Variants in CSGALNACT1 observed in about 807,000 individuals in gnomAD.
CSGALNACT1 encodes beta4GalNAcT-1.
A neutral mutation model predicts 51.0 loss-of-function variants in CSGALNACT1; 52 were observed. The ratio of observed to expected loss-of-function variants is 1.02; its 90% CI spans 0.82 to 1.29. CSGALNACT1 has a LOEUF of 1.29. Among genes scored for constraint, CSGALNACT1 ranks in the 50% most tolerant of loss-of-function variants. CSGALNACT1 has a pLI of 0.00. For missense variants in CSGALNACT1, 935 were observed against 679.2 expected (o/e 1.38, Z -4.19); for synonymous variants, 341 against 254.4 (o/e 1.34, Z -3.24).
intron 4 of CSGALNACT1, among the ~76,000 whole-genome samples, chr8:19,491,843 C>G (rs1050033131): frequency 6.6e-6 from 1 of 152,198 alleles, no homozygotes; most frequent in South Asian, 2.1e-4. Flanking sequence ...TTCAAGGGTA[C>G]TAAGACATAC....
intron 3 of CSGALNACT1, chr8:19,532,066 T>C (rs1019214396): frequency 6.6e-6 from 1 of 152,094 alleles, no homozygotes; most frequent in Non-Finnish European, 1.5e-5. Context: ...ATGAATGCCA[T>C]GGTGTACTGT....
At chr8:19,517,305 T>C (rs962010172) in intron 3 of CSGALNACT1, among the ~76,000 whole-genome samples, 7 of 152,092 alleles carry the variant, frequency 4.6e-5, no homozygotes, top group Non-Finnish European at 8.8e-5. Context: ...CTGGGTGTGG[T>C]GGCACATGCC....
chr8:19,590,258 C>T (rs780583281), intron 3 of CSGALNACT1, among the ~76,000 whole-genome samples: 9 of 152,140 alleles, frequency 5.9e-5, no homozygotes, highest in East Asian at 1.9e-4. Context: ...CACTGAGGTA[C>T]GCTGAGGCAT....
intron 1 of CSGALNACT1, among the ~76,000 whole-genome samples, chr8:19,717,739 C>A (rs1378303832): frequency 6.6e-6 from 1 of 152,168 alleles, no homozygotes; most frequent in Non-Finnish European, 1.5e-5. Context: ...GAACCCATAG[C>A]TTTTTTCTGT....
At chr8:19,439,974 C>A (rs1563403582) in intron 5 of CSGALNACT1, 43 bp from the exon 5 acceptor site, 4 of 1,487,262 alleles carry the variant, frequency 2.7e-6, no homozygotes, top group Non-Finnish European at 3.8e-6. Flanking sequence ...TGTTTTCACA[C>A]TGACAGGCAC....
At chr8:19,739,298 T>A (rs1214653203) in intron 1 of CSGALNACT1, among the ~76,000 whole-genome samples, 2 of 152,028 alleles carry the variant, frequency 1.3e-5, no homozygotes, top group Non-Finnish European at 2.9e-5. Flanking sequence ...TGACATTGAC[T>A]CTAAAGAAGA....
intron 8 of CSGALNACT1, among the ~76,000 whole-genome samples, chr8:19,410,123 G>A (rs1398514952): frequency 6.6e-6 from 1 of 152,146 alleles, no homozygotes; most frequent in Non-Finnish European, 1.5e-5. Flanking sequence ...ATTCCACAGG[G>A]AATGGGGACC....
chr8:19,731,156 A>G (rs2063671104), intron 1 of CSGALNACT1, among the ~76,000 whole-genome samples: 1 of 152,192 alleles, frequency 6.6e-6, no homozygotes, highest in Admixed American at 6.5e-5. Context: ...CCACTTTTTC[A>G]TAATGCAACT....
chr8:19,632,580 G>A (rs7014536), intron 1 of CSGALNACT1, among the ~76,000 whole-genome samples: 3,477 of 152,244 alleles, frequency 0.023, 137 homozygotes, highest in African/African-American at 0.079. Context: ...TTCTTAACCC[G>A]CAGCTATCTA....
intron 3 of CSGALNACT1, among the ~76,000 whole-genome samples, chr8:19,579,887 G>T (rs552676273): frequency 6.6e-6 from 1 of 152,132 alleles, no homozygotes. Flanking sequence ...CTCCCGCTGA[G>T]AACAATTACA....
intron 1 of CSGALNACT1, among the ~76,000 whole-genome samples, chr8:19,665,358 TGGGCTTCCAAC>T (rs1303151025): frequency 6.6e-6 from 1 of 152,226 alleles, no homozygotes; most frequent in Non-Finnish European, 1.5e-5. Flanking sequence ...ACGGCTCTTT[TGGGCTTCCAAC>T]ACAGTATTTT....
chr8:19,428,283 A>G (rs951079633), intron 6 of CSGALNACT1, among the ~76,000 whole-genome samples: 4 of 151,496 alleles, frequency 2.6e-5, no homozygotes, highest in Non-Finnish European at 5.9e-5. Flanking sequence ...TTTCTAAAGG[A>G]AAGAAGTTTA....
intron 6 of CSGALNACT1, among the ~76,000 whole-genome samples, chr8:19,425,355 A>G (rs2153708606): frequency 6.6e-6 from 1 of 152,040 alleles, no homozygotes; most frequent in East Asian, 1.9e-4. Flanking sequence ...ACACAAACAA[A>G]CCAAAAAACC....
intron 4 of CSGALNACT1, among the ~76,000 whole-genome samples, chr8:19,498,211 A>C (rs1471171213): frequency 2.6e-5 from 4 of 152,158 alleles, no homozygotes; most frequent in Admixed American, 2.6e-4. Flanking sequence ...CAGGTCTTTC[A>C]AGCCTGAGAC....
chr8:19,659,425 T>C (rs574804580), intron 1 of CSGALNACT1, among the ~76,000 whole-genome samples: 8 of 152,340 alleles, frequency 5.3e-5, no homozygotes, highest in South Asian at 2.1e-4. Context: ...TGAATTCTCA[T>C]TGCCAATTCA....
chr8:19,509,783 A>C (rs1241646436), intron 3 of CSGALNACT1, among the ~76,000 whole-genome samples: 1 of 152,190 alleles, frequency 6.6e-6, no homozygotes, highest in Non-Finnish European at 1.5e-5. Context: ...AAAGAGTTAA[A>C]ATTTATATGT....
intron 4 of CSGALNACT1, chr8:19,495,164 A>G (rs1418351264): frequency 6.6e-6 from 1 of 152,096 alleles, no homozygotes; most frequent in Non-Finnish European, 1.5e-5. Flanking sequence ...AATCAAAATA[A>G]CCTCATCAGG....
chr8:19,564,804 A>AC (rs1308202297), intron 3 of CSGALNACT1, among the ~76,000 whole-genome samples: 1 of 152,168 alleles, frequency 6.6e-6, no homozygotes, highest in Non-Finnish European at 1.5e-5. Context: ...TTAATTGGCT[A>AC]CCTTGCCCCA....
chr8:19,449,674 A>C (rs987307021), intron 5 of CSGALNACT1, among the ~76,000 whole-genome samples: 2 of 152,222 alleles, frequency 1.3e-5, no homozygotes, highest in African/African-American at 4.8e-5. Context: ...TTAAAATATC[A>C]TAAATGTTAG....
Sources: allele counts gnomAD v4.1 joint callset (sites outside exome capture counted in the v4.1 genomes callset), GRCh38; gene constraint gnomAD v4.1.1; transcripts MANE v1.5; gene names NCBI Gene and HGNC (gene_info 2026-07-23, HGNC 2026-07-21).